The following ADGRL3 variants were observed in gnomAD, a reference collection of about 807,000 sequenced individuals.
ADGRL3 encodes calcium-independent alpha-latrotoxin receptor 3.
In ADGRL3, 62 loss-of-function variants were observed where a neutral mutation model predicts 153.5. The ratio of observed to expected loss-of-function variants is 0.40; its 90% CI spans 0.33 to 0.50. ADGRL3 has a LOEUF of 0.50. Ranked by LOEUF, ADGRL3 falls within the 20% of genes least tolerant of loss-of-function variation. The pLI, the probability that ADGRL3 is intolerant of heterozygous loss-of-function variation, is 0.47. For synonymous variants in ADGRL3, 710 were observed against 672.5 expected (o/e 1.06, Z -0.86); for missense variants, 1,641 against 1,859.4 (o/e 0.88, Z 2.16).
intron 5 of ADGRL3, among the ~76,000 whole-genome samples, chr4:61,618,528 C>G (rs1441363975): frequency 1.3e-5 from 2 of 152,090 alleles, no homozygotes; most frequent in African/African-American, 4.8e-5. Context: ...ACCAACATTT[C>G]TAGTGGTTGG....
chr4:62,063,559 A>G lies in ADGRL3; in HGVS notation c.3815-4607A>G. 4.3e-6 allele frequency: 3 copies of G among 700,444 alleles called. No homozygotes were observed. The South Asian group carries it at 4.5e-5, about 10-fold the overall frequency. 43.4% of individuals were successfully genotyped at this position (700,444 alleles called of 1,614,324 possible). Reference sequence around the variant, plus strand: ...GCTCTGCTTCGTCCGCATGGTACTAACAATCCCTATAATACATTGCTTGGG... The same window carrying G: ...GCTCTGCTTCGTCCGCATGGTACTAGCAATCCCTATAATACATTGCTTGGG... On this transcript the variant is annotated intron_variant, in intron 25 of 26. Transcript: ENST00000683033.
chr4:61,719,892 C>T (rs981431059), intron 6 of ADGRL3, among the ~76,000 whole-genome samples: 2 of 151,878 alleles, frequency 1.3e-5, no homozygotes, highest in Admixed American at 6.6e-5. Flanking sequence ...CCTGAGCCAC[C>T]GCTCCCGCCC....
chr4:61,661,834 A>C (rs1254916731), intron 5 of ADGRL3, among the ~76,000 whole-genome samples: 1 of 152,222 alleles, frequency 6.6e-6, no homozygotes, highest in East Asian at 1.9e-4. Context: ...AATATTAAAA[A>C]AGTTCCTTGA....
At chr4:61,789,106 T>A (rs1433064290) in intron 8 of ADGRL3, among the ~76,000 whole-genome samples, 1 of 152,126 alleles carries the variant, frequency 6.6e-6, no homozygotes, top group East Asian at 1.9e-4. Context: ...ACTAAAGATA[T>A]GTTGTTTATC....
intron 16 of ADGRL3, among the ~76,000 whole-genome samples, chr4:61,947,874 T>TACTA (rs2098932043): frequency 6.6e-6 from 1 of 152,184 alleles, no homozygotes; most frequent in South Asian, 2.1e-4. Flanking sequence ...ATTATTTTAG[T>TACTA]GTTAATTTAA....
At chr4:61,254,475 C>T (rs2091771603) in intron 1 of ADGRL3, among the ~76,000 whole-genome samples, 1 of 152,124 alleles carries the variant, frequency 6.6e-6, no homozygotes, top group Middle Eastern at 3.2e-3. Context: ...ATAAGAATGA[C>T]ATGACTGTGC....
chr4:62,044,303 A>G (rs1729937887), intron 24 of ADGRL3, 150 bp from the exon 25 acceptor site: 1 of 602,136 alleles, frequency 1.7e-6, no homozygotes, highest in Non-Finnish European at 3.0e-6. Context: ...TGATGTTCTC[A>G]TGCTACTGTA....
chr4:62,062,642 G>A (rs1344643186), intron 25 of ADGRL3, among the ~76,000 whole-genome samples: 1 of 152,012 alleles, frequency 6.6e-6, no homozygotes, highest in African/African-American at 2.4e-5. Flanking sequence ...GGCTTTGGAG[G>A]ATGGAAAGTT....
At chr4:61,925,880 G>A (rs2098792155) in intron 13 of ADGRL3, among the ~76,000 whole-genome samples, 1 of 152,152 alleles carries the variant, frequency 6.6e-6, no homozygotes, top group South Asian at 2.1e-4. Flanking sequence ...CAGGCCATCT[G>A]AATTGATGCC....
intron 11 of ADGRL3, among the ~76,000 whole-genome samples, chr4:61,897,402 G>A (rs1295386171): frequency 1.3e-5 from 2 of 152,184 alleles, no homozygotes; most frequent in Non-Finnish European, 2.9e-5. Context: ...TCCAAGGTCA[G>A]TGGTGGAGCT....
rs191731460 is a variant in ADGRL3, at chr4:61,262,428, T to A, written c.-240+60663T>A. 2.2e-3 allele frequency among the ~76,000 whole-genome samples: 342 copies of A among 152,198 alleles called. 2 individuals carry two copies. Among genetic ancestry groups the A allele is most frequent in the African/African-American group, 8.0e-3 (331 of 41,562 alleles). ...AGTTATGGTTTTACCAGAAAAAAAT[T>A]AAGGTCGCCATTGTGTTGTTTCTAG... On this transcript the variant is annotated intron_variant, in intron 1 of 26. Transcript: ENST00000683033.
chr4:61,988,357 C>T (rs1375514853), intron 19 of ADGRL3, among the ~76,000 whole-genome samples: 1 of 151,778 alleles, frequency 6.6e-6, no homozygotes, highest in Non-Finnish European at 1.5e-5. Context: ...GCTAGTAGAC[C>T]ACAGGTATAA....
chr4:62,077,597 G>A lies in ADGRL3; in HGVS notation c.*6689G>A, dbSNP rs1014532798. 4.0e-5 allele frequency: 6 copies of A among 151,888 alleles called. No homozygotes were observed. The highest frequency in any genetic ancestry group is 5.9e-5 in the Non-Finnish European group (4 of 67,848). The allele number at this position is 151,888 out of a possible 1,614,324, so 9.4% of individuals were successfully genotyped here. A position where few individuals can be genotyped will look rare whatever the true frequency, so the allele number is the denominator to read the frequency against. ...AGAGGTCTTTGGGGTTGGAACTCAG[G>A]ATACAGTGACTAGGACAGAGTGCAT... On this transcript the variant is annotated 3_prime_UTR_variant, in exon 27 of 27. Coordinates refer to ENST00000683033, the MANE Select transcript of ADGRL3 (RefSeq NM_001387552.1).
Position 61,856,992 on chromosome 4 carries a change from CTTTCTTTCTTTCTT to C in ADGRL3, c.1481-35662_1481-35649del, listed in dbSNP as rs1389835033. On this transcript the variant is annotated intron_variant, in intron 9 of 26. Transcript: ENST00000683033. The stretch of plus-strand genomic sequence containing the variant: ...TCTTTCTTTCTTTCTTTCTTTCTTT[CTTTCTTTCTTTCTT>C]TCTTTCTTTCCTTCCTCCCTTCCTT... Among the ~76,000 whole-genome samples the C allele has an allele frequency of 4.5e-3, 550 of 121,816 alleles. 7 individuals carry two copies. The highest frequency in any genetic ancestry group is 0.014 in the African/African-American group (445 of 32,298). The allele number at this position is 121,816 out of a possible 152,430, so 79.9% of individuals were successfully genotyped here.
rs114738368 is a variant in ADGRL3 at position 61,261,720 on chromosome 4, A to G, written c.-240+59955A>G. ...ATAACAATAAAGTATGCTACAAAAC[A>G]TAATATAGTGTTACAATGTCGTCTT... On this transcript the variant is annotated intron_variant, in intron 1 of 26. Coordinates refer to ENST00000683033, the MANE Select transcript of ADGRL3 (RefSeq NM_001387552.1). 7.5e-3 allele frequency among the ~76,000 whole-genome samples: 1,144 copies of G among 152,362 alleles called. 10 individuals carry two copies. Among genetic ancestry groups the G allele is most frequent in the African/African-American group, 0.026 (1,075 of 41,584 alleles).
intron 8 of ADGRL3, among the ~76,000 whole-genome samples, chr4:61,787,306 C>T (rs186169704): frequency 5.9e-4 from 90 of 151,820 alleles, no homozygotes; most frequent in African/African-American, 2.1e-3. Flanking sequence ...ACTATCCTCA[C>T]GTTATCTTTC....
intron 2 of ADGRL3, among the ~76,000 whole-genome samples, chr4:61,485,922 T>G (rs372325059): frequency 0.015 from 2,241 of 152,044 alleles, 22 homozygotes; most frequent in Middle Eastern, 0.037. Flanking sequence ...TGCTTTTTTT[T>G]TTTTGTTTTG....
intron 23 of ADGRL3, 86 bp from the exon 24 acceptor site, chr4:62,037,645 A>C: frequency 7.1e-7 from 1 of 1,409,488 alleles, no homozygotes; most frequent in Non-Finnish European, 1.0e-6. Context: ...TACATTATCT[A>C]AAAATAAAAC....
rs1170804838 is a variant in ADGRL3 at position 61,234,728 on chromosome 4, A to G, written c.-240+32963A>G. The stretch of plus-strand genomic sequence containing the variant: ...TCAAGTGTAATTGGTGTTGTTTTAT[A>G]GAGCAGTTTTAGTGAAGGGTGGTGT... On this transcript the variant is annotated intron_variant, in intron 1 of 26. Transcript: ENST00000683033. Among the ~76,000 whole-genome samples the G allele has an allele frequency of 2.0e-5, 3 of 152,202 alleles. No homozygotes were observed. In the East Asian group the frequency reaches 5.8e-4, roughly 29 times the overall value.
Sources: gnomAD v4.1 joint callset for allele counts (sites outside exome capture counted in the v4.1 genomes callset) on GRCh38, gnomAD v4.1.1 for gene constraint, MANE v1.5 for transcripts, NCBI Gene and HGNC (gene_info 2026-07-23, HGNC 2026-07-21) for gene names.